The following M1AP variants were observed in gnomAD, a reference collection of about 807,000 sequenced individuals.
M1AP encodes meiosis 1 associated protein.
M1AP carries 39 observed loss-of-function variants against 51.2 expected under a neutral mutation model. That is an observed-to-expected ratio of 0.76 (90% CI 0.59 to 1.00). M1AP has a LOEUF of 1.00. M1AP is among the 50% of genes least tolerant of loss of function. M1AP has a pLI of 0.00. For synonymous variants in M1AP, 251 were observed against 249.2 expected (o/e 1.01, Z -0.07); for missense variants, 545 against 641.2 (o/e 0.85, Z 1.62).
At chr2:74,642,275 C>CA (rs144241741) in intron 1 of M1AP, among the ~76,000 whole-genome samples, 6,255 of 149,344 alleles carry the variant, frequency 0.042, 244 homozygotes, top group African/African-American at 0.11. Context: ...TAATAATATA[C>CA]AAAAAAAAAC....
chr2:74,594,658 G>A (rs1211230867), intron 4 of M1AP, among the ~76,000 whole-genome samples: 1 of 152,138 alleles, frequency 6.6e-6, no homozygotes, highest in Admixed American at 6.5e-5. Context: ...AGGACTGCCT[G>A]AGCCCAGGAG....
chr2:74,563,923 C>T (rs1678206158), intron 7 of M1AP, among the ~76,000 whole-genome samples: 2 of 152,160 alleles, frequency 1.3e-5, no homozygotes, highest in South Asian at 4.1e-4. Context: ...AAACACAAAA[C>T]TCCAGGAAAT....
At chr2:74,584,061 C>T (rs760028607) in intron 4 of M1AP, among the ~76,000 whole-genome samples, 34 of 151,994 alleles carry the variant, frequency 2.2e-4, no homozygotes, top group Admixed American at 6.5e-5. Flanking sequence ...TCTCATCTGC[C>T]TCATTATGTT....
At chr2:74,612,635 T>C (rs1681434311) in intron 3 of M1AP, among the ~76,000 whole-genome samples, 1 of 152,196 alleles carries the variant, frequency 6.6e-6, no homozygotes, top group African/African-American at 2.4e-5. Context: ...TTTCTTCTTT[T>C]TTGATGTAGG....
intron 2 of M1AP, among the ~76,000 whole-genome samples, chr2:74,621,971 T>C (rs1313681630): frequency 7.1e-6 from 1 of 140,992 alleles, no homozygotes; most frequent in Non-Finnish European, 1.5e-5. Context: ...AATACAAAAA[T>C]GAGCCGGGTG....
chr2:74,599,065 G>T (rs778706005), intron 4 of M1AP, among the ~76,000 whole-genome samples: 1 of 152,042 alleles, frequency 6.6e-6, no homozygotes, highest in African/African-American at 2.4e-5. Context: ...ATCACCTGAG[G>T]TCAGGAGTTC....
intron 1 of M1AP, among the ~76,000 whole-genome samples, chr2:74,643,592 T>TC (rs1351703807): frequency 0.01 from 1,455 of 144,896 alleles, 31 homozygotes; most frequent in African/African-American, 0.034. Context: ...GTAATGTTCT[T>TC]TTTTTTTTTT....
At chr2:74,574,485 T>C (rs367581431) in intron 7 of M1AP, among the ~76,000 whole-genome samples, 2 of 152,246 alleles carry the variant, frequency 1.3e-5, no homozygotes, top group Non-Finnish European at 2.9e-5. Context: ...TGACTTCCAA[T>C]GTTCTAGTTC....
At chr2:74,595,861 A>G (rs1404885433) in intron 4 of M1AP, among the ~76,000 whole-genome samples, 2 of 152,206 alleles carry the variant, frequency 1.3e-5, no homozygotes, top group Non-Finnish European at 1.5e-5. Flanking sequence ...TTATGTGAAT[A>G]TTGTAATCCT....
intron 4 of M1AP, among the ~76,000 whole-genome samples, chr2:74,589,459 T>C (rs1679914656): frequency 6.6e-6 from 1 of 152,192 alleles, no homozygotes; most frequent in Admixed American, 6.5e-5. Context: ...GTAAAGCAAG[T>C]TCCTTTTTCT....
chr2:74,575,082 T>A lies in M1AP; in HGVS notation c.1074+356A>T, dbSNP rs116775491. On this transcript the variant is annotated intron_variant, in intron 7 of 10. Coordinates refer to ENST00000421985, the MANE Select transcript of M1AP (RefSeq NM_001321739.2). ...CTAGGGCTTGACACAATGTCTGGCA[T>A]AGACTAAATGCTCTTCATTTAAATG... is the stretch of plus-strand genomic sequence containing the variant. 2.4e-3 allele frequency among the ~76,000 whole-genome samples: 364 copies of A among 152,358 alleles called. 2 individuals carry two copies. Among genetic ancestry groups the A allele is most frequent in the African/African-American group, 8.3e-3 (345 of 41,584 alleles).
In M1AP at chr2:74,615,204, A is replaced by C. The variant is rs1681595825; in HGVS notation, c.241-55T>G. On this transcript the variant is annotated intron_variant, in intron 2 of 10. Coordinates refer to ENST00000421985, the MANE Select transcript of M1AP (RefSeq NM_001321739.2). ...GTCTTTAGGGACCAGGTTTCAGATT[A>C]ATTGGCAGTCTAAATTTATTATAAA... The C allele has an allele frequency of 2.7e-6, 4 of 1,458,632 alleles. No homozygotes were observed. The Admixed American group carries it at 7.1e-5, about 26-fold the overall frequency. 90.4% of individuals were successfully genotyped at this position (1,458,632 alleles called of 1,614,324 possible). A position where few individuals can be genotyped will look rare whatever the true frequency, so the allele number is the denominator to read the frequency against.
At chr2:74,615,726 C>G (rs1245299419) in intron 2 of M1AP, 7 of 153,188 alleles carry the variant, frequency 4.6e-5, no homozygotes, top group Non-Finnish European at 1.0e-4. Context: ...CCTTTTGGTT[C>G]TCCTCATCTA....
At chr2:74,599,455 G>A (rs1395649523) in intron 4 of M1AP, among the ~76,000 whole-genome samples, 1 of 151,802 alleles carries the variant, frequency 6.6e-6, no homozygotes, top group Non-Finnish European at 1.5e-5. Flanking sequence ...TGTGAGGTAG[G>A]AATATTTTTT....
chr2:74,577,182 T>C (rs192987415), intron 5 of M1AP, among the ~76,000 whole-genome samples: 43 of 152,252 alleles, frequency 2.8e-4, no homozygotes, highest in African/African-American at 1.0e-3. Flanking sequence ...AAGGAATAAG[T>C]TCCTGAAATA....
chr2:74,563,179 A>G (rs1419278874), intron 7 of M1AP, among the ~76,000 whole-genome samples: 1 of 152,046 alleles, frequency 6.6e-6, no homozygotes, highest in Non-Finnish European at 1.5e-5. Flanking sequence ...CCAGGAGTTC[A>G]AGACCAGTCT....
chr2:74,585,688 T>C (rs1388192238), intron 4 of M1AP, among the ~76,000 whole-genome samples: 1 of 152,234 alleles, frequency 6.6e-6, no homozygotes, highest in Non-Finnish European at 1.5e-5. Flanking sequence ...AGTTTTGCAG[T>C]TTCAGAAGGG....
chr2:74,599,175 A>T (rs548196913), intron 4 of M1AP, among the ~76,000 whole-genome samples: 2 of 152,232 alleles, frequency 1.3e-5, no homozygotes, highest in South Asian at 4.1e-4. Flanking sequence ...GCTAGTTGGG[A>T]GGCTGAGGCA....
chr2:74,617,566 A>C (rs1681740455), intron 2 of M1AP, among the ~76,000 whole-genome samples: 1 of 152,200 alleles, frequency 6.6e-6, no homozygotes, highest in South Asian at 2.1e-4. Flanking sequence ...AGAAAAAATA[A>C]CTAATGGGTA....
Sources: allele counts gnomAD v4.1 joint callset (sites outside exome capture counted in the v4.1 genomes callset), GRCh38; gene constraint gnomAD v4.1.1; transcripts MANE v1.5; gene names NCBI Gene and HGNC (gene_info 2026-07-23, HGNC 2026-07-21).